The following GRSF1 variants were observed in gnomAD, a reference collection of about 807,000 sequenced individuals.
GRSF1 encodes G-rich RNA sequence binding factor 1.
In GRSF1, 50 loss-of-function variants were observed where a neutral mutation model predicts 51.1. That is an observed-to-expected ratio of 0.98 (90% CI 0.78 to 1.24). The LOEUF (loss-of-function observed/expected upper bound fraction) is 1.24. Ranked by LOEUF, GRSF1 falls within the 50% of genes most tolerant of loss-of-function variation. The pLI is 0.00. For synonymous variants in GRSF1, 293 were observed against 253.3 expected, an observed-to-expected ratio of 1.16 and a Z score of -1.49; for missense variants, 700 against 639.7, an observed-to-expected ratio of 1.09 and a Z score of -1.02.
chr4:70,834,323 T>C (rs1038354960), intron 2 of GRSF1, among the ~76,000 whole-genome samples: 5 of 152,084 alleles, frequency 3.3e-5, no homozygotes, highest in African/African-American at 1.2e-4. Context: ...CCCACAGATA[T>C]GTAAACCCTC....
chr4:70,832,605 T>C (rs975884391), intron 3 of GRSF1, among the ~76,000 whole-genome samples, 155 bp from the exon 4 acceptor site: 1 of 152,264 alleles, frequency 6.6e-6, no homozygotes, highest in Non-Finnish European at 1.5e-5. Flanking sequence ...ATGACATTTA[T>C]TGCATATTTA....
Position 70,826,136 on chromosome 4 carries a change from T to A in GRSF1, c.1245A>T (p.Gln415His). The change falls in exon 7 of 10, where the codon CAA (glutamine) becomes CAT (histidine). Residue 415 changes from glutamine to histidine, a missense_variant. Transcript: ENST00000254799. ...TACTGCCACACACGTTTATAATGTC[T>A]TGGGCATTGGCTTGGAAAGGTAATC... is the stretch of plus-strand genomic sequence containing the variant. ...MRGLPFQANAQDIINFFAPLK... is the reference protein window; with the variant it reads ...MRGLPFQANAHDIINFFAPLK... The A allele has an allele frequency of 6.2e-7, 1 of 1,611,350 alleles. No homozygotes were observed. The highest frequency in any genetic ancestry group is 8.5e-7 in the Non-Finnish European group (1 of 1,178,454).
At chr4:70,840,737 T>C (rs1734432713), upstream of GRSF1, among the ~76,000 whole-genome samples, 1 of 152,186 alleles carries the variant, frequency 6.6e-6, no homozygotes, top group Non-Finnish European at 1.5e-5. Flanking sequence ...CACTGCAGCC[T>C]GGGCGACAGA....
Position 70,825,347 on chromosome 4 carries a change from C to T in GRSF1, c.1342G>A (p.Glu448Lys), listed in dbSNP as rs1395452376. The T allele has an allele frequency of 6.2e-7, 1 of 1,611,872 alleles. No homozygotes were observed. The highest frequency in any genetic ancestry group is 8.5e-7 in the Non-Finnish European group (1 of 1,178,518). Reference protein sequence around the residue: ...KATGEADVHFETHEDAVAAML... With the variant: ...KATGEADVHFKTHEDAVAAML... ...GCTGCAACAGCATCCTCATGGGTCT[C>T]AAAGTGCACATCAGCTTCTCCAGTG... Residue 448 changes from glutamate to lysine, a missense_variant, in exon 8 of 10, where the codon GAG (glutamate) becomes AAG (lysine). Glu to Lys is a moderately conservative substitution (Grantham distance 56). Coordinates refer to ENST00000254799, the MANE Select transcript of GRSF1 (RefSeq NM_002092.4).
chr4:70,826,588 C>T (rs1486239626), intron 6 of GRSF1, among the ~76,000 whole-genome samples: 1 of 150,972 alleles, frequency 6.6e-6, no homozygotes, highest in African/African-American at 2.4e-5. Context: ...ACTTGTAATC[C>T]CAACACTTTG....
At chr4:70,830,722 G>A (rs986982890) in intron 5 of GRSF1, among the ~76,000 whole-genome samples, 6 of 151,578 alleles carry the variant, frequency 4.0e-5, no homozygotes, top group Non-Finnish European at 8.8e-5. Flanking sequence ...AGGAGGCTGA[G>A]GCAGGAGGAT....
chr4:70,832,825 G>A (rs1357685021), intron 3 of GRSF1, among the ~76,000 whole-genome samples: 1 of 152,206 alleles, frequency 6.6e-6, no homozygotes, highest in Non-Finnish European at 1.5e-5. Context: ...GCATGTGCCT[G>A]TAGTCCCAGC....
At chr4:70,821,554 G>A (rs927455487) in intron 9 of GRSF1, among the ~76,000 whole-genome samples, 4 of 150,824 alleles carry the variant, frequency 2.7e-5, no homozygotes, top group East Asian at 2.0e-4. Flanking sequence ...TGCAGTAAGC[G>A]GAGATCACAC....
Position 70,832,365 on chromosome 4 carries a change from AACC to A in GRSF1, c.753_755del (p.Val252del). On this transcript the variant is annotated inframe_deletion, in exon 4 of 10. Coordinates refer to ENST00000254799, the MANE Select transcript of GRSF1 (RefSeq NM_002092.4). ...AACTATAAGGAAGTCCTCTCAAACG[AACC>A]ACACCATCATTTACCACAGGCGAAG... The A allele has an allele frequency of 6.2e-7, 1 of 1,612,864 alleles. No individual in the cohort carries two copies. The highest frequency in any genetic ancestry group is 8.5e-7 in the Non-Finnish European group (1 of 1,179,108).
At chr4:70,822,001 AG>A (rs1397246275) in intron 9 of GRSF1, among the ~76,000 whole-genome samples, 1 of 152,236 alleles carries the variant, frequency 6.6e-6, no homozygotes, top group South Asian at 2.1e-4. Context: ...AAATCATTAC[AG>A]GTAAGTGTCT....
chr4:70,827,972 T>C lies in GRSF1; in HGVS notation c.1015A>G (p.Lys339Glu), dbSNP rs751046148. The C allele has an allele frequency of 2.5e-6, 4 of 1,613,442 alleles. No homozygotes were observed. In the South Asian group the frequency reaches 4.4e-5, roughly 18 times the overall value. The part of the protein sequence containing the change: ...VRTHVGSYKG[K>E]KIASFPTAKY... ...GCAGTAGGAAAAGATGCGATTTTCT[T>C]TCCCTTATAAGAACCGACATGTGTT... is the stretch of plus-strand genomic sequence containing the variant. The change falls in exon 6 of 10, where the codon AAG becomes GAG. Residue 339 changes from lysine to glutamate, a missense_variant. Lys to Glu is a moderately conservative substitution (Grantham distance 56). Coordinates refer to ENST00000254799, the MANE Select transcript of GRSF1 (RefSeq NM_002092.4).
At position 70,827,856 on chromosome 4, in the gene GRSF1, T is replaced by C. The variant is rs1038188609; in HGVS notation, c.1131A>G (p.Glu377=). 7 of 1,606,572 alleles carry C rather than the reference T, an allele frequency of 4.4e-6. No homozygotes were observed. Among genetic ancestry groups the C allele is most frequent in the Non-Finnish European group, 4.3e-6 (5 of 1,174,638 alleles). Residue 377 remains glutamate (E), a synonymous_variant, in exon 6 of 10, where the codon GAA becomes GAG. Transcript: ENST00000254799. ...QPMTAFESEK[E]IELPKEVPEK... Reference sequence around the variant, plus strand: ...CAAGAAGAGGCAGGACCTTACCTATTTCCTTCTCACTTTCAAAAGCTGTCA... The same window carrying C: ...CAAGAAGAGGCAGGACCTTACCTATCTCCTTCTCACTTTCAAAAGCTGTCA...
At chr4:70,830,242 C>T (rs551488235) in intron 5 of GRSF1, among the ~76,000 whole-genome samples, 2 of 151,972 alleles carry the variant, frequency 1.3e-5, no homozygotes, top group Non-Finnish European at 2.9e-5. Context: ...GCCAGGGCAA[C>T]ACAGCAAGAC....
chr4:70,840,313 A>G (rs149807454), upstream of GRSF1, among the ~76,000 whole-genome samples: 1,343 of 152,276 alleles, frequency 8.8e-3, 20 homozygotes, highest in African/African-American at 0.025. Context: ...CTGAGGCCCA[A>G]AGTAAGTGAG....
chr4:70,825,688 T>C lies in GRSF1; in HGVS notation c.1258-257A>G, dbSNP rs557242038. ...GGCTCACACCTGTAATCTCAACACTTTGGGAGGCCGAGGACAGTGGATCGC... is the reference window on the plus strand; with the variant it reads ...GGCTCACACCTGTAATCTCAACACTCTGGGAGGCCGAGGACAGTGGATCGC... On this transcript the variant is annotated intron_variant, in intron 7 of 9. Transcript: ENST00000254799. 2.9e-4 allele frequency: 94 copies of C among 318,698 alleles called. 1 individual carries two copies. Among genetic ancestry groups the C allele is most frequent in the African/African-American group, 1.9e-3 (86 of 45,870 alleles). 19.7% of individuals were successfully genotyped at this position (318,698 alleles called of 1,614,324 possible). A position where few individuals can be genotyped will look rare whatever the true frequency, so the allele number is the denominator to read the frequency against.
chr4:70,839,432 G>A, intron 1 of GRSF1, 39 bp downstream of exon 1: 1 of 1,489,480 alleles, frequency 6.7e-7, no homozygotes, highest in African/African-American at 1.4e-5. Flanking sequence ...CGCGGCCCGG[G>A]AGGGATCTCG....
At chr4:70,836,858 C>T (rs966371490) in intron 1 of GRSF1, among the ~76,000 whole-genome samples, 1 of 152,036 alleles carries the variant, frequency 6.6e-6, no homozygotes, top group South Asian at 2.1e-4. Flanking sequence ...AGTTTGAAGG[C>T]GAGAGAAAGA....
intron 9 of GRSF1, among the ~76,000 whole-genome samples, chr4:70,823,458 A>C (rs1185275304): frequency 7.2e-6 from 1 of 139,552 alleles, no homozygotes; most frequent in South Asian, 2.4e-4. Flanking sequence ...ATCATAATTA[A>C]TTCTATTTCC....
chr4:70,837,258 A>G lies in GRSF1; in HGVS notation c.358-944T>C, dbSNP rs577182396. ...CAACCATAACCTAAGAAGACAACTC[A>G]GGCTTTAAGACTTGCACTCTACTGG... On this transcript the variant is annotated intron_variant, in intron 1 of 9. Coordinates refer to ENST00000254799, the MANE Select transcript of GRSF1 (RefSeq NM_002092.4). Among the ~76,000 whole-genome samples, 3 of 152,300 alleles carry G rather than the reference A, an allele frequency of 2.0e-5. No homozygotes were observed. The East Asian group carries it at 5.8e-4, about 29-fold the overall frequency.
Sources: allele counts gnomAD v4.1 joint callset (sites outside exome capture counted in the v4.1 genomes callset), GRCh38; gene constraint gnomAD v4.1.1; transcripts MANE v1.5; gene names NCBI Gene and HGNC (gene_info 2026-07-23, HGNC 2026-07-21).